The following PDCD6IP variants were observed in gnomAD, a reference collection of about 807,000 sequenced individuals.
PDCD6IP encodes programmed cell death 6 interacting protein.
A neutral mutation model predicts 103.7 loss-of-function variants in PDCD6IP; 43 were observed. The observed-to-expected ratio is 0.41, with a 90% CI of 0.32 to 0.53. The LOEUF is 0.53. Among genes scored for constraint, PDCD6IP ranks in the 20% least tolerant of loss-of-function variants. PDCD6IP has a pLI of 0.16. For missense variants in PDCD6IP, 871 were observed against 1,036.7 expected (o/e 0.84, Z 2.20); for synonymous variants, 354 against 378.7 (o/e 0.93, Z 0.76).
At chr3:33,852,460 G>GT in intron 12 of PDCD6IP, 28 bp from the exon 13 acceptor site, 1 of 1,002,310 alleles carries the variant, frequency 1.0e-6, no homozygotes. Context: ...TTTTTTTGCA[G>GT]TTAAACTAAG....
chr3:33,807,272 A>G (rs1696619323), intron 1 of PDCD6IP, among the ~76,000 whole-genome samples: 1 of 152,232 alleles, frequency 6.6e-6, no homozygotes, highest in South Asian at 2.1e-4. Context: ...TCAGCAAAAT[A>G]AGGCCTGCTC....
intron 4 of PDCD6IP, among the ~76,000 whole-genome samples, chr3:33,824,235 A>T (rs1315003442): frequency 6.7e-6 from 1 of 150,334 alleles, no homozygotes; most frequent in African/African-American, 2.4e-5. Context: ...TGTGTTGTCT[A>T]TTTATCTAAC....
At chr3:33,822,322 G>T (rs1697011458) in intron 4 of PDCD6IP, among the ~76,000 whole-genome samples, 1 of 152,026 alleles carries the variant, frequency 6.6e-6, no homozygotes, top group African/African-American at 2.4e-5. Context: ...ACATAATAGA[G>T]GCTCAATAAT....
At chr3:33,861,871 A>G (rs967677504) in intron 15 of PDCD6IP, among the ~76,000 whole-genome samples, 8 of 152,202 alleles carry the variant, frequency 5.3e-5, no homozygotes, top group Admixed American at 3.9e-4. Flanking sequence ...AAAGCGTTTA[A>G]GAAGAATGAA....
rs1200313481 is a variant in PDCD6IP, at chr3:33,826,337, T to C, written c.617-143T>C. 12 of 615,994 alleles carry C rather than the reference T, an allele frequency of 1.9e-5. No homozygotes were observed. The Admixed American group carries it at 3.7e-4, about 19-fold the overall frequency. 38.2% of individuals were successfully genotyped at this position (615,994 alleles called of 1,614,324 possible). ...GCAACCACTAATCTATTTTGTCTGT[T>C]CTAAATTTTGTGCAGAAAATGTGAT... On this transcript the variant is annotated intron_variant, in intron 5 of 17. Coordinates refer to ENST00000307296, the MANE Select transcript of PDCD6IP (RefSeq NM_013374.6).
intron 5 of PDCD6IP, 22 bp from the exon 6 acceptor site, chr3:33,826,458 T>C (rs764633612): frequency 6.5e-7 from 1 of 1,528,868 alleles, no homozygotes; most frequent in Non-Finnish European, 9.0e-7. Context: ...ATTTTAATTA[T>C]AATGGTCATA....
At chr3:33,838,736 T>C (rs1160822259) in intron 9 of PDCD6IP, among the ~76,000 whole-genome samples, 3 of 151,702 alleles carry the variant, frequency 2.0e-5, no homozygotes, top group Non-Finnish European at 4.4e-5. Context: ...AAGTGCACAG[T>C]TCAATTATTA....
chr3:33,837,504 A>T (rs1488631499), intron 8 of PDCD6IP, among the ~76,000 whole-genome samples: 1 of 152,028 alleles, frequency 6.6e-6, no homozygotes, highest in East Asian at 1.9e-4. Context: ...TGATGCACAG[A>T]GTGGTTAAGT....
intron 8 of PDCD6IP, among the ~76,000 whole-genome samples, chr3:33,836,627 G>A (rs1450149713): frequency 6.6e-6 from 1 of 151,604 alleles, no homozygotes; most frequent in East Asian, 1.9e-4. Context: ...AGGCTGAGAT[G>A]GGTAGATTGC....
rs546905164 is a variant in PDCD6IP, at chr3:33,814,228, TC to T, written c.334+601del. On this transcript the variant is annotated intron_variant, in intron 3 of 17. Coordinates refer to ENST00000307296, the MANE Select transcript of PDCD6IP (RefSeq NM_013374.6). Reference sequence around the variant, plus strand: ...GGCACGATCTTGGCTCACTGCAACCTCTGCCTACTGGGTTCAAGTGATTCTC... The same window carrying T: ...GGCACGATCTTGGCTCACTGCAACCTTGCCTACTGGGTTCAAGTGATTCTC... 2.0e-3 allele frequency among the ~76,000 whole-genome samples: 297 copies of T among 150,830 alleles called. 3 individuals are homozygous for T. Among genetic ancestry groups the T allele is most frequent in the African/African-American group, 6.9e-3 (284 of 41,064 alleles).
At chr3:33,801,982 G>A (rs571613615) in intron 1 of PDCD6IP, among the ~76,000 whole-genome samples, 1 of 152,288 alleles carries the variant, frequency 6.6e-6, no homozygotes, top group African/African-American at 2.4e-5. Flanking sequence ...TATGACACCT[G>A]CATTAGGGTT....
intron 1 of PDCD6IP, 142 bp downstream of exon 1, chr3:33,799,079 C>A: frequency 1.2e-6 from 1 of 808,822 alleles, no homozygotes; most frequent in Non-Finnish European, 1.9e-6. Flanking sequence ...GTGTGGTCTG[C>A]ATTCTTTGCT....
intron 15 of PDCD6IP, among the ~76,000 whole-genome samples, chr3:33,857,988 G>A (rs572319764): frequency 7.6e-4 from 116 of 152,158 alleles, no homozygotes; most frequent in African/African-American, 2.6e-3. Flanking sequence ...AAAGGAAGAA[G>A]TAAAACTAGC....
At chr3:33,823,885 T>C (rs989314809) in intron 4 of PDCD6IP, among the ~76,000 whole-genome samples, 1 of 152,120 alleles carries the variant, frequency 6.6e-6, no homozygotes, top group African/African-American at 2.4e-5. Context: ...TTTAGAAAGG[T>C]CATTCTGAAT....
intron 1 of PDCD6IP, among the ~76,000 whole-genome samples, chr3:33,805,369 AAT>A (rs1491241588): frequency 6.6e-6 from 1 of 151,514 alleles, no homozygotes; most frequent in East Asian, 1.9e-4. Context: ...AAAAAAAAAA[AAT>A]TTTTTTTTCC....
chr3:33,853,366 G>T (rs1697761832), intron 13 of PDCD6IP, among the ~76,000 whole-genome samples: 1 of 152,030 alleles, frequency 6.6e-6, no homozygotes, highest in African/African-American at 2.4e-5. Flanking sequence ...TGGAATTACT[G>T]ATACCTTTAA....
intron 1 of PDCD6IP, chr3:33,799,419 C>G (rs1696418091): frequency 6.5e-6 from 1 of 154,346 alleles, no homozygotes; most frequent in Admixed American, 6.5e-5. Flanking sequence ...TCACATTGTC[C>G]ACATGAAATG....
chr3:33,859,581 A>G (rs1697907021), intron 15 of PDCD6IP, among the ~76,000 whole-genome samples: 1 of 152,342 alleles, frequency 6.6e-6, no homozygotes, highest in African/African-American at 2.4e-5. Flanking sequence ...AATAAATGAA[A>G]AAAAATGAAT....
Position 33,865,418 on chromosome 3 carries a change from C to T in PDCD6IP, c.2420C>T (p.Pro807Leu). 6.3e-7 allele frequency: 1 copy of T among 1,589,396 alleles called. No homozygotes were observed. Among genetic ancestry groups the T allele is most frequent in the South Asian group, 1.2e-5 (1 of 86,948 alleles). The change falls in exon 17 of 18, where the codon CCA becomes CTA. Residue 807 changes from proline (P) to leucine (L), a missense_variant. By Grantham distance (98) the Pro-to-Leu change is moderately conservative. Transcript: ENST00000307296. ...CAGGGACCACCCTATCCCACCTATC[C>T]AGGATATCCTGGGTAAGGCTGCAAC... ...QAQGPPYPTY[P>L]GYPGYCQMPM... is the part of the protein sequence containing the mutation.
Sources: gnomAD v4.1 joint callset for allele counts (sites outside exome capture counted in the v4.1 genomes callset) on GRCh38, gnomAD v4.1.1 for gene constraint, MANE v1.5 for transcripts, NCBI Gene and HGNC (gene_info 2026-07-23, HGNC 2026-07-21) for gene names.